The following SCARA5 variants were observed in gnomAD, a reference collection of about 807,000 sequenced individuals.
SCARA5 encodes scavenger receptor class A, member 5 (putative).
In SCARA5, 45 loss-of-function variants were observed where a neutral mutation model predicts 46.3. The ratio of observed to expected loss-of-function variants is 0.97; its 90% CI spans 0.76 to 1.24. The LOEUF is 1.24. Among genes scored for constraint, SCARA5 ranks in the 50% most tolerant of loss-of-function variants. The probability of loss-of-function intolerance (pLI) is 0.00; values close to 1 mark genes in which losing one functional copy is unlikely to be tolerated. For synonymous variants in SCARA5, 333 were observed against 306.5 expected, an observed-to-expected ratio of 1.09 and a Z score of -0.90; for missense variants, 680 against 689.0, an observed-to-expected ratio of 0.99 and a Z score of 0.15.
At chr8:27,948,088 C>T (rs1279820846) in intron 3 of SCARA5, among the ~76,000 whole-genome samples, 2 of 152,116 alleles carry the variant, frequency 1.3e-5, no homozygotes, top group Admixed American at 1.3e-4. Context: ...TGCTTAATGT[C>T]ACTGACCCTT....
At chr8:27,891,157 A>G (rs1806974086) in intron 7 of SCARA5, among the ~76,000 whole-genome samples, 1 of 151,916 alleles carries the variant, frequency 6.6e-6, no homozygotes, top group Non-Finnish European at 1.5e-5. Context: ...ATAAAGACAC[A>G]AGACATGTCT....
intron 2 of SCARA5, 27 bp downstream of exon 2, chr8:27,987,477 C>A: frequency 6.5e-7 from 1 of 1,533,046 alleles, no homozygotes; most frequent in Non-Finnish European, 9.0e-7. Context: ...AGATCTTGTG[C>A]CCCAAGTCTG....
chr8:27,883,581 T>C (rs2129681977), intron 7 of SCARA5, among the ~76,000 whole-genome samples: 1 of 152,344 alleles, frequency 6.6e-6, no homozygotes, highest in East Asian at 1.9e-4. Flanking sequence ...TTTTTCCAAG[T>C]GTCCCAAATA....
At chr8:27,969,776 G>A (rs1180374031) in intron 2 of SCARA5, among the ~76,000 whole-genome samples, 1 of 152,154 alleles carries the variant, frequency 6.6e-6, no homozygotes, top group Admixed American at 6.5e-5. Flanking sequence ...ATATGGGAAT[G>A]TTCTGTACTT....
chr8:27,934,350 G>A (rs1243154253), intron 3 of SCARA5, among the ~76,000 whole-genome samples: 4 of 152,198 alleles, frequency 2.6e-5, no homozygotes, highest in Admixed American at 6.5e-5. Context: ...TCAGCCCTGG[G>A]ATTTCGACCT....
chr8:27,936,645 T>A (rs950978530), intron 3 of SCARA5, among the ~76,000 whole-genome samples: 3 of 132,932 alleles, frequency 2.3e-5, no homozygotes, highest in Non-Finnish European at 4.7e-5. Context: ...AATGGTGGAT[T>A]GGCTGCAACC....
intron 1 of SCARA5, among the ~76,000 whole-genome samples, chr8:27,990,503 T>C (rs532036527): frequency 8.0e-4 from 121 of 151,966 alleles, no homozygotes; most frequent in Non-Finnish European, 7.4e-5. Context: ...TTGCATTCCG[T>C]CCCTCCCATT....
At chr8:27,941,114 C>T (rs1807938298) in intron 3 of SCARA5, among the ~76,000 whole-genome samples, 1 of 151,580 alleles carries the variant, frequency 6.6e-6, no homozygotes, top group African/African-American at 2.4e-5. Context: ...AAAAAACCCA[C>T]AATACGTCTT....
intron 2 of SCARA5, among the ~76,000 whole-genome samples, chr8:27,971,036 A>G (rs1808440350): frequency 6.6e-6 from 1 of 152,226 alleles, no homozygotes; most frequent in Admixed American, 6.5e-5. Context: ...ACACTGTGGG[A>G]AGGAGAGACT....
intron 3 of SCARA5, among the ~76,000 whole-genome samples, chr8:27,956,891 C>G (rs1377259233): frequency 1.3e-5 from 2 of 152,208 alleles, no homozygotes; most frequent in Non-Finnish European, 2.9e-5. Context: ...GCAGGACTGT[C>G]ACAGAAATTC....
intron 3 of SCARA5, among the ~76,000 whole-genome samples, chr8:27,953,265 G>C (rs935836346): frequency 2.6e-5 from 4 of 152,222 alleles, no homozygotes; most frequent in African/African-American, 9.6e-5. Context: ...AGGCATGGGT[G>C]GGTCTGCTGC....
At chr8:27,975,697 T>G (rs1223564124) in intron 2 of SCARA5, among the ~76,000 whole-genome samples, 2 of 105,924 alleles carry the variant, frequency 1.9e-5, no homozygotes, top group East Asian at 4.0e-4. Context: ...AACATTTTGG[T>G]TTTTTTTTCC....
At chr8:27,909,411 A>T (rs1484566851) in intron 5 of SCARA5, among the ~76,000 whole-genome samples, 1 of 152,074 alleles carries the variant, frequency 6.6e-6, no homozygotes, top group Non-Finnish European at 1.5e-5. Context: ...CTGGGCTGGG[A>T]AGGGGCTTCA....
At chr8:27,957,393 G>A (rs771407033) in intron 3 of SCARA5, among the ~76,000 whole-genome samples, 5 of 152,178 alleles carry the variant, frequency 3.3e-5, no homozygotes, top group Non-Finnish European at 7.3e-5. Flanking sequence ...CGGTTAACAC[G>A]GATGAATTAA....
intron 2 of SCARA5, among the ~76,000 whole-genome samples, chr8:27,986,746 C>G (rs1378883616): frequency 6.6e-6 from 1 of 152,178 alleles, no homozygotes; most frequent in Non-Finnish European, 1.5e-5. Context: ...CAGAGTGGAG[C>G]AAAACAAGAG....
chr8:27,951,019 G>A (rs1296880135), intron 3 of SCARA5, among the ~76,000 whole-genome samples: 1 of 152,112 alleles, frequency 6.6e-6, no homozygotes, highest in Non-Finnish European at 1.5e-5. Flanking sequence ...TCATCTAAGG[G>A]TCTCCACGTT....
intron 2 of SCARA5, among the ~76,000 whole-genome samples, chr8:27,969,611 A>T (rs1808417884): frequency 6.6e-6 from 1 of 152,140 alleles, no homozygotes; most frequent in Non-Finnish European, 1.5e-5. Flanking sequence ...AAACCCACAG[A>T]ATGTTCAACA....
At chr8:27,873,949 C>T (rs1311015688) in intron 8 of SCARA5, among the ~76,000 whole-genome samples, 1 of 152,208 alleles carries the variant, frequency 6.6e-6, no homozygotes, top group African/African-American at 2.4e-5. Flanking sequence ...ACGCAGGAGG[C>T]TGAGGCAGGA....
intron 3 of SCARA5, among the ~76,000 whole-genome samples, chr8:27,956,741 C>T (rs570304816): frequency 3.9e-5 from 6 of 152,304 alleles, no homozygotes; most frequent in African/African-American, 1.2e-4. Context: ...TAGCAGGGGC[C>T]TCTCTTTATT....
Sources: allele counts gnomAD v4.1 joint callset (sites outside exome capture counted in the v4.1 genomes callset), GRCh38; gene constraint gnomAD v4.1.1; transcripts MANE v1.5; gene names NCBI Gene and HGNC (gene_info 2026-07-23, HGNC 2026-07-21).